Variants in MGRN1 observed in about 807,000 individuals in gnomAD.
The protein encoded by MGRN1 is E3 ubiquitin-protein ligase MGRN1.
In MGRN1, 29 loss-of-function variants were observed where a neutral mutation model predicts 69.2. The ratio of observed to expected loss-of-function variants is 0.42; its 90% CI spans 0.31 to 0.57. The LOEUF (loss-of-function observed/expected upper bound fraction) is 0.57. Ranked by LOEUF, MGRN1 falls within the 20% of genes least tolerant of loss-of-function variation. The probability of loss-of-function intolerance (pLI) is 0.15; values close to 1 mark genes in which losing one functional copy is unlikely to be tolerated. For synonymous variants in MGRN1, 470 were observed against 344.2 expected (o/e 1.37, Z -4.04); for missense variants, 998 against 796.2 (o/e 1.25, Z -3.05).
rs749170599 is a variant in MGRN1, at chr16:4,683,866, A to T, written c.1552A>T (p.Asn518Tyr). ...QQGTRAASIE[N>Y]VLQDSSPEHC... ...AGGGACCCGAGCAGCTTCCATTGAG[A>T]ATGTCCTGCAGGACAGCAGCCCCGA... Residue 518 changes from asparagine to tyrosine, a missense_variant, in exon 16 of 17, where the codon AAT becomes TAT. Asn to Tyr is a moderately radical substitution (Grantham distance 143). Transcript: ENST00000262370. 1 of 1,610,340 alleles carries T rather than the reference A, an allele frequency of 6.2e-7. No homozygotes were observed. Among genetic ancestry groups the T allele is most frequent in the Non-Finnish European group, 8.5e-7 (1 of 1,178,308 alleles).
chr16:4,687,643 C>T (rs1379793946), intron 16 of MGRN1: 1 of 983,440 alleles, frequency 1.0e-6, no homozygotes, highest in Non-Finnish European at 1.2e-6. Flanking sequence ...AGGAGTGCCA[C>T]CAAAATGTAG....
At position 4,690,837 on chromosome 16, in the gene MGRN1, T is replaced by G. The variant is rs890265282; in HGVS notation, c.*1929T>G. On this transcript the variant is annotated 3_prime_UTR_variant, in exon 17 of 17. Coordinates refer to ENST00000262370, the MANE Select transcript of MGRN1 (RefSeq NM_015246.4). The stretch of plus-strand genomic sequence containing the variant: ...CCCAGCCTCTGGCCATCAGTCCTGG[T>G]GCCAGAGCTTTGCGTGAAGTTCGGG... The G allele has an allele frequency of 1.5e-5, 2 of 131,996 alleles. No individual in the cohort carries two copies. The highest frequency in any genetic ancestry group is 5.4e-4 in the East Asian group (2 of 3,710). The allele number at this position is 131,996 out of a possible 1,614,324, so 8.2% of individuals were successfully genotyped here.
chr16:4,680,185 G>A, intron 12 of MGRN1, 88 bp downstream of exon 12: 1 of 1,316,178 alleles, frequency 7.6e-7, no homozygotes, highest in South Asian at 1.2e-5. Context: ...TTCCGCCCCA[G>A]GCTAGTGTCT....
chr16:4,671,119 C>T (rs77808113), intron 8 of MGRN1, among the ~76,000 whole-genome samples: 2,463 of 150,994 alleles, frequency 0.016, 33 homozygotes, highest in Non-Finnish European at 0.023. Flanking sequence ...GGTGGTGAGG[C>T]GGTCAGGGGG....
intron 1 of MGRN1, among the ~76,000 whole-genome samples, chr16:4,647,055 C>T (rs943468684): frequency 5.9e-5 from 9 of 152,362 alleles, no homozygotes; most frequent in South Asian, 2.1e-4. Context: ...AGGGTGCCCC[C>T]GACGATGGGT....
rs560400049 is a variant in MGRN1, at chr16:4,688,263, C to T, written c.1619-533C>T. 167 of 985,782 alleles carry T rather than the reference C, an allele frequency of 1.7e-4. No individual in the cohort carries two copies. In the Admixed American group the frequency reaches 2.2e-3, roughly 13 times the overall value. The allele number at this position is 985,782 out of a possible 1,614,324, so 61.1% of individuals were successfully genotyped here. Reference sequence around the variant, plus strand: ...GCCAGACCCATCTGGGGACAGCGCCCGGCGGCGTCGTGCAGGCCACAGTCT... The same window carrying T: ...GCCAGACCCATCTGGGGACAGCGCCTGGCGGCGTCGTGCAGGCCACAGTCT... On this transcript the variant is annotated intron_variant, in intron 16 of 16. Coordinates refer to ENST00000262370, the MANE Select transcript of MGRN1 (RefSeq NM_015246.4).
intron 16 of MGRN1, chr16:4,687,090 G>C: frequency 1.0e-6 from 1 of 985,404 alleles, no homozygotes; most frequent in Non-Finnish European, 1.2e-6. Flanking sequence ...AGTCCCTCGT[G>C]GGCTGCCTTT....
At chr16:4,663,194 G>T (rs1167244234) in intron 5 of MGRN1, among the ~76,000 whole-genome samples, 1 of 152,096 alleles carries the variant, frequency 6.6e-6, no homozygotes, top group Admixed American at 6.6e-5. Flanking sequence ...CTCCCGAGTA[G>T]CTGGGATTAC....
intron 12 of MGRN1, chr16:4,680,392 G>A (rs1216481048): frequency 7.7e-6 from 3 of 390,892 alleles, no homozygotes; most frequent in South Asian, 2.9e-5. Flanking sequence ...TGGAATGGAC[G>A]TTGCAGGCGG....
At chr16:4,626,410 C>A (rs1897680731) in intron 1 of MGRN1, among the ~76,000 whole-genome samples, 1 of 152,204 alleles carries the variant, frequency 6.6e-6, no homozygotes, top group Admixed American at 6.5e-5. Flanking sequence ...CTCTGATATT[C>A]TTCCAGCCTG....
chr16:4,635,048 A>G (rs776369299), intron 1 of MGRN1: 3 of 152,268 alleles, frequency 2.0e-5, no homozygotes, highest in Non-Finnish European at 4.4e-5. Context: ...AATCGAAAGA[A>G]AGAAAAGATT....
intron 16 of MGRN1, among the ~76,000 whole-genome samples, chr16:4,685,582 C>G (rs1019269203): frequency 6.6e-6 from 1 of 152,260 alleles, no homozygotes; most frequent in African/African-American, 2.4e-5. Flanking sequence ...TCAGCCTGCA[C>G]GGCCTCAGTT....
At chr16:4,642,116 A>G (rs2078172666) in intron 1 of MGRN1, among the ~76,000 whole-genome samples, 1 of 137,450 alleles carries the variant, frequency 7.3e-6, no homozygotes, top group African/African-American at 2.8e-5. Context: ...CTGTCAGCAT[A>G]TGACTTGGTT....
rs1203358296 is a variant in MGRN1, at chr16:4,688,899, C to T, written c.1722C>T (p.Thr574=). ...PSPDPSAAEL[T]PL ...CCGATCCCAGCGCCGCCGAGCTGAC[C>T]CCACTCTGAGAGCCTGGCCGAGCTG... Residue 574 remains threonine (T), a synonymous_variant, in exon 17 of 17, where the codon ACC becomes ACT. Coordinates refer to ENST00000262370, the MANE Select transcript of MGRN1 (RefSeq NM_015246.4). 10 of 1,545,106 alleles carry T rather than the reference C, an allele frequency of 6.5e-6. No individual in the cohort carries two copies. The highest frequency in any genetic ancestry group is 8.8e-6 in the Non-Finnish European group (10 of 1,142,404).
chr16:4,657,133 G>T, intron 4 of MGRN1, 113 bp from the exon 5 acceptor site: 1 of 991,038 alleles, frequency 1.0e-6, no homozygotes, highest in Non-Finnish European at 1.5e-6. Flanking sequence ...CCATGAGAGA[G>T]GGTCCCCAAA....
intron 13 of MGRN1, among the ~76,000 whole-genome samples, chr16:4,682,412 C>A (rs929392521): frequency 3.9e-5 from 6 of 152,208 alleles, no homozygotes; most frequent in Non-Finnish European, 4.4e-5. Flanking sequence ...TGTCGGTTCT[C>A]GTAGAAGAGT....
At chr16:4,668,427 A>T in intron 8 of MGRN1, 115 bp downstream of exon 8, 1 of 1,054,886 alleles carries the variant, frequency 9.5e-7, no homozygotes, top group South Asian at 1.5e-5. Context: ...ATACTCATAC[A>T]CGCTCATACA....
chr16:4,638,620 G>A (rs1245130256), intron 1 of MGRN1, among the ~76,000 whole-genome samples: 1 of 152,212 alleles, frequency 6.6e-6, no homozygotes, highest in African/African-American at 2.4e-5. Flanking sequence ...CTGTGGGGCT[G>A]CCACCCCCTC....
intron 1 of MGRN1, among the ~76,000 whole-genome samples, chr16:4,642,934 G>T (rs115307871): frequency 6.6e-6 from 1 of 151,398 alleles, no homozygotes; most frequent in Non-Finnish European, 1.5e-5. Context: ...CTGCAAGTAC[G>T]CATCACCGTG....
Sources: gnomAD v4.1 joint callset for allele counts (sites outside exome capture counted in the v4.1 genomes callset) on GRCh38, gnomAD v4.1.1 for gene constraint, MANE v1.5 for transcripts, NCBI Gene and HGNC (gene_info 2026-07-23, HGNC 2026-07-21) for gene names.